The following KAZN variants were observed in gnomAD, a reference collection of about 807,000 sequenced individuals.
KAZN encodes the protein kazrin.
KAZN carries 40 observed loss-of-function variants against 87.4 expected under a neutral mutation model. That is an observed-to-expected ratio of 0.46 (90% CI 0.36 to 0.60). The LOEUF is 0.60. Among genes scored for constraint, KAZN ranks in the 20% least tolerant of loss-of-function variants. KAZN has a pLI of 0.00. For missense variants in KAZN, 898 were observed against 1,073.9 expected (o/e 0.84, Z 2.29); for synonymous variants, 466 against 458.3 (o/e 1.02, Z -0.22).
chr1:14,338,168 C>A (rs986896114), intron 2 of KAZN, among the ~76,000 whole-genome samples: 1 of 152,048 alleles, frequency 6.6e-6, no homozygotes, highest in African/African-American at 2.4e-5. Context: ...CATTGACCCC[C>A]TTCTGGTTAA....
At chr1:14,583,516 C>A (rs1571983386) in intron 2 of KAZN, among the ~76,000 whole-genome samples, 1 of 152,184 alleles carries the variant, frequency 6.6e-6, no homozygotes, top group East Asian at 1.9e-4. Context: ...CTTGAGGGAG[C>A]TCCAGAGCTG....
rs564946581 is a variant in KAZN, at chr1:14,110,536, T to G, written c.92-69899T>G. ...TCTTATTATCCAGATCATTTTGTAG[T>G]TTTTTGACTTCTATTGCATATCTAT... On this transcript the variant is annotated intron_variant, in intron 1 of 16. Coordinates refer to the KAZN transcript ENST00000636203. 2.1e-4 allele frequency among the ~76,000 whole-genome samples: 32 copies of G among 152,328 alleles called. 1 individual carries two copies. In the South Asian group the frequency reaches 6.6e-3, roughly 32 times the overall value.
chr1:14,695,260 T>C (rs879732888), intron 1 of KAZN, among the ~76,000 whole-genome samples: 8 of 152,144 alleles, frequency 5.3e-5, no homozygotes, highest in African/African-American at 1.9e-4. Context: ...TGCTACAACA[T>C]GGCCCTGGGG....
chr1:14,497,494 G>T (rs1007428272), intron 2 of KAZN, among the ~76,000 whole-genome samples: 7 of 152,088 alleles, frequency 4.6e-5, no homozygotes, highest in Non-Finnish European at 1.0e-4. Flanking sequence ...CTTAGAACTT[G>T]AGTTTCCATT....
At chr1:14,853,744 G>A (rs1205043224) in intron 1 of KAZN, among the ~76,000 whole-genome samples, 1 of 152,174 alleles carries the variant, frequency 6.6e-6, no homozygotes, top group Admixed American at 6.5e-5. Flanking sequence ...CCAGAATCAG[G>A]CTGCTCAAGG....
intron 4 of KAZN, among the ~76,000 whole-genome samples, chr1:15,044,827 T>C (rs915791377): frequency 3.3e-5 from 5 of 152,222 alleles, no homozygotes; most frequent in Non-Finnish European, 7.3e-5. Flanking sequence ...GAAATATTAA[T>C]GTTCATTCTC....
intron 1 of KAZN, among the ~76,000 whole-genome samples, chr1:13,996,700 C>A (rs887555884): frequency 3.9e-5 from 6 of 152,242 alleles, no homozygotes; most frequent in African/African-American, 1.4e-4. Flanking sequence ...GAACTCAGGT[C>A]TCCCTGGGCC....
Position 14,392,905 on chromosome 1 carries a change from G to A in KAZN, c.250-206078G>A, listed in dbSNP as rs370295454. 2.0e-5 allele frequency among the ~76,000 whole-genome samples: 3 copies of A among 152,124 alleles called. No individual in the cohort carries two copies. The East Asian group carries it at 5.8e-4, about 29-fold the overall frequency. On this transcript the variant is annotated intron_variant, in intron 2 of 16. Transcript: ENST00000636203. ...ACTGAATAAGTGTATACATTTTCTAGTTGGGGTCTTCTGGTCAGGAGGGGA... is the reference window on the plus strand; with the variant it reads ...ACTGAATAAGTGTATACATTTTCTAATTGGGGTCTTCTGGTCAGGAGGGGA...
chr1:14,630,232 C>T (rs1206083880), intron 1 of KAZN, among the ~76,000 whole-genome samples: 1 of 152,192 alleles, frequency 6.6e-6, no homozygotes, highest in Non-Finnish European at 1.5e-5. Context: ...GTCCTGATGC[C>T]GTATTCACCC....
At chr1:14,872,552 A>T (rs12731581) in intron 1 of KAZN, among the ~76,000 whole-genome samples, 58,702 of 152,070 alleles carry the variant, frequency 0.39, 11,384 homozygotes, top group South Asian at 0.43. Context: ...GAAAGCTCCA[A>T]TGATGAAGCC....
chr1:15,100,724 A>G (rs1641022104), intron 10 of KAZN, among the ~76,000 whole-genome samples: 1 of 152,240 alleles, frequency 6.6e-6, no homozygotes, highest in Non-Finnish European at 1.5e-5. Flanking sequence ...TAATCAGTCA[A>G]ACATGGACTT....
At chr1:14,560,604 C>G (rs1361226781) in intron 2 of KAZN, among the ~76,000 whole-genome samples, 1 of 152,086 alleles carries the variant, frequency 6.6e-6, no homozygotes, top group African/African-American at 2.4e-5. Context: ...ATAATACCTA[C>G]CTGACAAGTT....
intron 2 of KAZN, among the ~76,000 whole-genome samples, chr1:14,470,091 T>G (rs1668372919): frequency 6.6e-6 from 1 of 152,220 alleles, no homozygotes; most frequent in Non-Finnish European, 1.5e-5. Context: ...TTTTTAAGGC[T>G]GCATGCCTAC....
intron 2 of KAZN, among the ~76,000 whole-genome samples, chr1:14,353,548 G>A (rs758422505): frequency 6.6e-6 from 1 of 152,090 alleles, no homozygotes; most frequent in Non-Finnish European, 1.5e-5. Context: ...AAAACTTGAA[G>A]GGATCTACCA....
chr1:13,944,028 C>T (rs991785756), intron 1 of KAZN, among the ~76,000 whole-genome samples: 1 of 152,162 alleles, frequency 6.6e-6, no homozygotes. Context: ...TGGCTATCTA[C>T]CCAAGAGGAA....
chr1:14,295,381 C>T (rs181106555), intron 2 of KAZN, among the ~76,000 whole-genome samples: 1 of 152,296 alleles, frequency 6.6e-6, no homozygotes. Flanking sequence ...AACATGGACC[C>T]TCCCAGCTTC....
intron 1 of KAZN, among the ~76,000 whole-genome samples, chr1:14,668,475 TTC>T (rs944171099): frequency 1.3e-5 from 2 of 151,976 alleles, no homozygotes; most frequent in African/African-American, 4.8e-5. Flanking sequence ...AAGTGCTGAG[TTC>T]TTTCTCGGGA....
intron 2 of KAZN, among the ~76,000 whole-genome samples, chr1:14,387,020 A>T (rs1330153434): frequency 1.3e-5 from 2 of 151,648 alleles, no homozygotes; most frequent in African/African-American, 4.8e-5. Context: ...GTTTCTTTTT[A>T]TTTTTTTCTC....
At chr1:14,327,714 G>A (rs1310855493) in intron 2 of KAZN, among the ~76,000 whole-genome samples, 1 of 152,174 alleles carries the variant, frequency 6.6e-6, no homozygotes, top group African/African-American at 2.4e-5. Context: ...ATGACCCTTT[G>A]CTGAAGCCAC....
Sources: allele counts gnomAD v4.1 joint callset (sites outside exome capture counted in the v4.1 genomes callset), GRCh38; gene constraint gnomAD v4.1.1; transcripts MANE v1.5; gene names NCBI Gene and HGNC (gene_info 2026-07-23, HGNC 2026-07-21).